ALG2: variants seen among roughly 807,000 people sequenced by gnomAD.
ALG2 encodes ALG2 alpha-1,3/1,6-mannosyltransferase, also known as alpha-1,3/1,6-mannosyltransferase ALG2.
A neutral mutation model predicts 30.5 loss-of-function variants in ALG2; 32 were observed. The observed-to-expected ratio is 1.05, with a 90% CI of 0.79 to 1.41. The LOEUF (loss-of-function observed/expected upper bound fraction) is 1.41, where lower values mean the gene tolerates loss of function less well. Ranked by LOEUF, ALG2 falls within the 40% of genes most tolerant of loss-of-function variation. The probability of loss-of-function intolerance (pLI) is 0.00; values close to 1 mark genes in which losing one functional copy is unlikely to be tolerated. For missense variants in ALG2, 574 were observed against 526.4 expected (o/e 1.09, Z -0.88); for synonymous variants, 253 against 224.8 (o/e 1.13, Z -1.12).
intron 1 of ALG2, among the ~76,000 whole-genome samples, chr9:99,220,678 A>G (rs1012485751): frequency 1.3e-5 from 2 of 152,170 alleles, no homozygotes; most frequent in Admixed American, 6.5e-5. Context: ...GCTGAAAAAG[A>G]TGCCTAATAG....
intron 1 of ALG2, among the ~76,000 whole-genome samples, chr9:99,219,500 T>G (rs1828755335): frequency 6.6e-6 from 1 of 152,254 alleles, no homozygotes; most frequent in African/African-American, 2.4e-5. Context: ...TTTCCTCTTC[T>G]GTAACATGGT....
Position 99,221,632 on chromosome 9 carries a change from A to G in ALG2, c.263T>C (p.Val88Ala), listed in dbSNP as rs1564222065. 15 of 1,540,164 alleles carry G rather than the reference A, an allele frequency of 9.7e-6. No homozygotes were observed. Among genetic ancestry groups the G allele is most frequent in the African/African-American group, 1.4e-5 (1 of 72,972 alleles). Residue 88 changes from valine to alanine, a missense_variant, in exon 1 of 2, where the codon GTC becomes GCC. Coordinates refer to ENST00000476832, the MANE Select transcript of ALG2 (RefSeq NM_033087.4). ...GAAAACCATGCGCACGTAGGCGCAG[A>G]CGGCGGCGCCGCGGCCGCCCCAGCC... The part of the protein sequence containing the change: ...GLGWGGRGAA[V>A]CAYVRMVFLA...
chr9:99,219,372 T>C (rs1828753818), intron 1 of ALG2, among the ~76,000 whole-genome samples: 1 of 152,208 alleles, frequency 6.6e-6, no homozygotes, highest in Non-Finnish European at 1.5e-5. Flanking sequence ...TCTAAGGAAC[T>C]GAATGAATGA....
At chr9:99,220,542 G>A (rs1033988119) in intron 1 of ALG2, among the ~76,000 whole-genome samples, 1 of 152,094 alleles carries the variant, frequency 6.6e-6, no homozygotes, top group Non-Finnish European at 1.5e-5. Context: ...CGTGGGGCGC[G>A]CACCTGTACT....
Position 99,221,842 on chromosome 9 carries a change from A to C in ALG2, c.53T>G (p.Leu18Arg). ...ERDSVPKPSV[L>R]FLHPDLGVGG... ...CACGCCCAGGTCTGGGTGGAGGAAC[A>C]GCACCGACGGCTTGGGAACCGAGTC... The change falls in exon 1 of 2, where the codon CTG (leucine) becomes CGG (arginine). Residue 18 changes from leucine to arginine, a missense_variant. Transcript: ENST00000476832. The C allele has an allele frequency of 6.3e-7, 1 of 1,595,260 alleles. No individual in the cohort carries two copies. The highest frequency in any genetic ancestry group is 8.5e-7 in the Non-Finnish European group (1 of 1,178,038).
In ALG2 at chr9:99,218,577, A is replaced by G. The variant is rs1828739317; in HGVS notation, c.608T>C (p.Leu203Pro). Residue 203 changes from leucine to proline, a missense_variant, in exon 2 of 2, where the codon CTA (leucine) becomes CCA (proline). Transcript: ENST00000476832. The stretch of plus-strand genomic sequence containing the variant: ...AACTGAGTCAAAGCTGGTGACATTT[A>G]GAGATGGATAGAGGACATCAGGGTC... Reference protein sequence around the residue: ...HIDPDVLYPSLNVTSFDSVVP... With the variant: ...HIDPDVLYPSPNVTSFDSVVP... 4 of 1,614,104 alleles carry G rather than the reference A, an allele frequency of 2.5e-6. No individual in the cohort carries two copies. In the South Asian group the frequency reaches 4.4e-5, roughly 18 times the overall value.
In ALG2 at chr9:99,218,459, C is replaced by A; in HGVS notation, c.726G>T (p.Leu242Phe). The A allele has an allele frequency of 6.2e-7, 1 of 1,614,242 alleles. No individual in the cohort carries two copies. The highest frequency in any genetic ancestry group is 8.5e-7 in the Non-Finnish European group (1 of 1,180,044). ...GCAGCTGTACTAGGGCTTCCAGTGC[C>A]AAAGTCAGATTTTTCTTCCTTTCGT... ...NRYERKKNLT[L>F]ALEALVQLRG... Residue 242 changes from leucine to phenylalanine, a missense_variant, in exon 2 of 2, where the codon TTG (leucine) becomes TTT (phenylalanine). Physicochemically the swap from Leu to Phe is conservative, Grantham distance 22. Coordinates refer to ENST00000476832, the MANE Select transcript of ALG2 (RefSeq NM_033087.4).
At chr9:99,220,691 G>A (rs1208600998) in intron 1 of ALG2, among the ~76,000 whole-genome samples, 1 of 151,450 alleles carries the variant, frequency 6.6e-6, no homozygotes, top group Non-Finnish European at 1.5e-5. Flanking sequence ...CCTAATAGTA[G>A]GTATGTCATA....
chr9:99,218,484 T>A lies in ALG2; in HGVS notation c.701A>T (p.Tyr234Phe), dbSNP rs1828736884. The A allele has an allele frequency of 6.2e-7, 1 of 1,614,238 alleles. No homozygotes were observed. Among genetic ancestry groups the A allele is most frequent in the African/African-American group, 1.3e-5 (1 of 75,062 alleles). The change falls in exon 2 of 2, where the codon TAC (tyrosine) becomes TTC (phenylalanine). Residue 234 changes from tyrosine to phenylalanine, a missense_variant. Physicochemically the swap from Tyr to Phe is conservative, Grantham distance 22 (BLOSUM62 3). Coordinates refer to ENST00000476832, the MANE Select transcript of ALG2 (RefSeq NM_033087.4). ...KKFLLLSINR[Y>F]ERKKNLTLAL... ...CAAAGTCAGATTTTTCTTCCTTTCG[T>A]ATCTGTTGATGGAGAGCAGCAGGAA...
At chr9:99,220,241 T>C (rs1828769000) in intron 1 of ALG2, among the ~76,000 whole-genome samples, 1 of 152,250 alleles carries the variant, frequency 6.6e-6, no homozygotes, top group Admixed American at 6.5e-5. Flanking sequence ...GGATGTTCAT[T>C]ACAACACTGA....
At position 99,218,081 on chromosome 9, in the gene ALG2, GT is replaced by G; in HGVS notation, c.1103del (p.His368ProfsTer6). On this transcript the variant is annotated frameshift_variant, in exon 2 of 2. Transcript: ENST00000476832. LOFTEE classifies it high-confidence loss of function. ...TGAACTTTTCTATTGCTTCTGAGAA[GT>G]GCACCGGGTCAGGCTCACACAGAAA... ...TGFLCEPDPV[H>X]FSEAIEKFIR... 1 of 1,614,022 alleles carries G rather than the reference GT, an allele frequency of 6.2e-7. No homozygotes were observed. Among genetic ancestry groups the G allele is most frequent in the Non-Finnish European group, 8.5e-7 (1 of 1,179,950 alleles).
intron 1 of ALG2, 50 bp downstream of exon 1, chr9:99,221,497 C>A: frequency 6.5e-7 from 1 of 1,528,808 alleles, no homozygotes. Context: ...CCGCGGCCGC[C>A]CTCCACGGCG....
chr9:99,217,380 C>T lies in ALG2; in HGVS notation c.*554G>A. On this transcript the variant is annotated 3_prime_UTR_variant, in exon 2 of 2. Transcript: ENST00000476832. ...TACTGTTTCTTTTTTATGATAAACA[C>T]CTTTTATTATATCTCAGTGTGCAAA... 1 of 453,844 alleles carries T rather than the reference C, an allele frequency of 2.2e-6. No homozygotes were observed. Among genetic ancestry groups the T allele is most frequent in the South Asian group, 1.6e-5 (1 of 64,438 alleles). 28.1% of individuals were successfully genotyped at this position (453,844 alleles called of 1,614,324 possible). A position where few individuals can be genotyped will look rare whatever the true frequency, so the allele number is the denominator to read the frequency against.
Position 99,221,613 on chromosome 9 carries a change from C to T in ALG2, c.282G>A (p.Met94Ile). 2 of 1,543,162 alleles carry T rather than the reference C, an allele frequency of 1.3e-6. No individual in the cohort carries two copies. Among genetic ancestry groups the T allele is most frequent in the Non-Finnish European group, 1.7e-6 (2 of 1,145,660 alleles). ...RGAAVCAYVR[M>I]VFLALYVLFL... ...ACAGCACGTAGAGCGCCAGGAAAAC[C>T]ATGCGCACGTAGGCGCAGACGGCGG... Residue 94 changes from methionine (M) to isoleucine (I), a missense_variant, in exon 1 of 2, where the codon ATG (methionine) becomes ATA (isoleucine). Transcript: ENST00000476832.
rs1046716154 is a variant in ALG2, at chr9:99,220,921, T to C, written c.348+626A>G. On this transcript the variant is annotated intron_variant, in intron 1 of 1. Transcript: ENST00000476832. ...TCATCTTTTTTAGGATGGGGAAAAATGCACGAAGGAAAGAGTCAAGAATAG... is the reference window on the plus strand; with the variant it reads ...TCATCTTTTTTAGGATGGGGAAAAACGCACGAAGGAAAGAGTCAAGAATAG... 3 of 1,315,714 alleles carry C rather than the reference T, an allele frequency of 2.3e-6. No homozygotes were observed. In the African/African-American group the frequency reaches 4.5e-5, roughly 20 times the overall value. 81.5% of individuals were successfully genotyped at this position (1,315,714 alleles called of 1,614,324 possible). A position where few individuals can be genotyped will look rare whatever the true frequency, so the allele number is the denominator to read the frequency against.
In ALG2 at chr9:99,217,539, C is replaced by T. The variant is rs1431431968; in HGVS notation, c.*395G>A. ...GAATCTGGGAACTACAATAGCCCTG[C>T]TCTCATTATACTATGAAGCCAAATT... On this transcript the variant is annotated 3_prime_UTR_variant, in exon 2 of 2. Transcript: ENST00000476832. The T allele has an allele frequency of 2.2e-6, 1 of 456,376 alleles. No homozygotes were observed. Among genetic ancestry groups the T allele is most frequent in the Admixed American group, 2.3e-5 (1 of 42,612 alleles). 28.3% of individuals were successfully genotyped at this position (456,376 alleles called of 1,614,324 possible). A position where few individuals can be genotyped will look rare whatever the true frequency, so the allele number is the denominator to read the frequency against.
In ALG2 at chr9:99,218,719, T is replaced by C. The variant is rs768989838; in HGVS notation, c.466A>G (p.Arg156Gly). 6.2e-7 allele frequency: 1 copy of C among 1,613,990 alleles called. No individual in the cohort carries two copies. The highest frequency in any genetic ancestry group is 8.5e-7 in the Non-Finnish European group (1 of 1,179,922). Residue 156 changes from arginine to glycine, a missense_variant, in exon 2 of 2, where the codon AGG becomes GGG. Coordinates refer to ENST00000476832, the MANE Select transcript of ALG2 (RefSeq NM_033087.4). Reference protein sequence around the residue: ...KRDSFLKRLYRAPIDWIEEYT... With the variant: ...KRDSFLKRLYGAPIDWIEEYT... ...TCCTCTATCCAGTCAATTGGGGCCC[T>C]GTATAGTCGTTTAAGAAAAGAATCT...
rs11545137 is a variant in ALG2 at position 99,221,864 on chromosome 9, A to G, written c.31T>C (p.Ser11Pro). MAEEQGRERD[S>P]VPKPSVLFLH... is the part of the protein sequence containing the mutation. ...AACAGCACCGACGGCTTGGGAACCG[A>G]GTCCCGTTCCCGGCCCTGCTCCTCC... Residue 11 changes from serine to proline, a missense_variant, in exon 1 of 2, where the codon TCG (serine) becomes CCG (proline). Transcript: ENST00000476832. 115,091 of 1,591,414 alleles carry G rather than the reference A, an allele frequency of 0.072. 4,653 individuals carry two copies. Among genetic ancestry groups the G allele is most frequent in the Non-Finnish European group, 0.081 (95,206 of 1,176,036 alleles).
rs1209503894 is a variant in ALG2 at position 99,216,795 on chromosome 9, G to A, written c.*1139C>T. On this transcript the variant is annotated 3_prime_UTR_variant, in exon 2 of 2. Transcript: ENST00000476832. ...TTGCAGATGAAGAAGCTGAGGTATAGAGATCAATTTACACAAAATCATATA... is the reference window on the plus strand; with the variant it reads ...TTGCAGATGAAGAAGCTGAGGTATAAAGATCAATTTACACAAAATCATATA... The A allele has an allele frequency of 2.2e-6, 1 of 454,136 alleles. No individual in the cohort carries two copies. The highest frequency in any genetic ancestry group is 2.3e-5 in the Admixed American group (1 of 42,574). 28.1% of individuals were successfully genotyped at this position (454,136 alleles called of 1,614,324 possible). A position where few individuals can be genotyped will look rare whatever the true frequency, so the allele number is the denominator to read the frequency against.
Sources: gnomAD v4.1 joint callset for allele counts (sites outside exome capture counted in the v4.1 genomes callset) on GRCh38, gnomAD v4.1.1 for gene constraint, MANE v1.5 for transcripts, NCBI Gene and HGNC (gene_info 2026-07-23, HGNC 2026-07-21) for gene names.